CNIH3: variants seen among roughly 807,000 people sequenced by gnomAD.
CNIH3 encodes cornichon family AMPA receptor auxiliary protein 3.
A neutral mutation model predicts 24.1 loss-of-function variants in CNIH3; 14 were observed. The ratio of observed to expected loss-of-function variants is 0.58; its 90% CI spans 0.38 to 0.91. The LOEUF (loss-of-function observed/expected upper bound fraction) is 0.91. Ranked by LOEUF, CNIH3 falls within the 40% of genes least tolerant of loss-of-function variation. The pLI is 0.00. For missense variants in CNIH3, 178 were observed against 196.8 expected (o/e 0.90, Z 0.57); for synonymous variants, 68 against 73.8 (o/e 0.92, Z 0.40).
rs375016005 is a variant in CNIH3, at chr1:224,680,061, G to A, written c.82-897G>A. ...TGACTTCAGGTGATCCAACCGCCTC[G>A]GCCTCTGAAAGTGCTGGGATTACAG... On this transcript the variant is annotated intron_variant, in intron 1 of 5. Coordinates refer to ENST00000272133, the MANE Select transcript of CNIH3 (RefSeq NM_152495.2). Among the ~76,000 whole-genome samples, 71 of 152,172 alleles carry A rather than the reference G, an allele frequency of 4.7e-4. 1 individual carries two copies. In the South Asian group the frequency reaches 0.014, roughly 29 times the overall value.
chr1:224,728,773 A>G (rs961210118), intron 3 of CNIH3, among the ~76,000 whole-genome samples: 4 of 152,220 alleles, frequency 2.6e-5, no homozygotes, highest in African/African-American at 7.2e-5. Flanking sequence ...GTTTGTAACC[A>G]CAGGCTGCAT....
At chr1:224,734,050 A>T (rs977510519) in intron 4 of CNIH3, among the ~76,000 whole-genome samples, 1 of 152,214 alleles carries the variant, frequency 6.6e-6, no homozygotes, top group Non-Finnish European at 1.5e-5. Context: ...CTCCCGACAG[A>T]TGGCTGATGT....
chr1:224,453,333 C>T (rs1047214162), intron 1 of CNIH3, among the ~76,000 whole-genome samples: 2 of 151,762 alleles, frequency 1.3e-5, no homozygotes, highest in African/African-American at 4.8e-5. Context: ...ACATGAGCCA[C>T]CATGCCTGGC....
rs369980940 is a variant in CNIH3 at position 224,550,720 on chromosome 1, T to C, written n.450+3781T>C. Among the ~76,000 whole-genome samples the C allele has an allele frequency of 7.9e-5, 12 of 152,278 alleles. No homozygotes were observed. The East Asian group carries it at 2.1e-3, about 27-fold the overall frequency. Reference sequence around the variant, plus strand: ...GATATTTCTTTTCTTTTTTTTATTATACTTTAAGTTTTAGGGTACATGTGC... The same window carrying C: ...GATATTTCTTTTCTTTTTTTTATTACACTTTAAGTTTTAGGGTACATGTGC... On this transcript the variant is annotated intron_variant and non_coding_transcript_variant, in intron 3 of 5. Coordinates refer to the CNIH3 transcript ENST00000471578.
At chr1:224,474,235 A>C (rs1163471326) in intron 1 of CNIH3, among the ~76,000 whole-genome samples, 5 of 152,038 alleles carry the variant, frequency 3.3e-5, no homozygotes. Context: ...ATGGTGGTGC[A>C]TGCCTGTAGT....
intron 3 of CNIH3, among the ~76,000 whole-genome samples, chr1:224,689,501 C>A (rs2125156237): frequency 6.6e-6 from 1 of 152,284 alleles, no homozygotes; most frequent in African/African-American, 2.4e-5. Context: ...GGTGGGCCGG[C>A]CTGGGCCTCC....
At chr1:224,494,225 A>T (rs570831662) in intron 1 of CNIH3, among the ~76,000 whole-genome samples, 1 of 152,362 alleles carries the variant, frequency 6.6e-6, no homozygotes, top group South Asian at 2.1e-4. Context: ...TTGAAACATT[A>T]GATCTTGTAT....
At chr1:224,486,927 G>A (rs1677052776) in intron 1 of CNIH3, among the ~76,000 whole-genome samples, 1 of 152,160 alleles carries the variant, frequency 6.6e-6, no homozygotes, top group Admixed American at 6.5e-5. Context: ...TCCCCAGGTC[G>A]GCTGACTAAA....
At chr1:224,672,422 C>G (rs1685913224) in intron 1 of CNIH3, among the ~76,000 whole-genome samples, 1 of 152,134 alleles carries the variant, frequency 6.6e-6, no homozygotes, top group African/African-American at 2.4e-5. Flanking sequence ...AAATTACCAC[C>G]AGGTGGGTGG....
At chr1:224,648,828 A>G (rs1172588098) in intron 1 of CNIH3, among the ~76,000 whole-genome samples, 1 of 152,198 alleles carries the variant, frequency 6.6e-6, no homozygotes, top group Middle Eastern at 3.2e-3. Context: ...TGGTAGGACA[A>G]GAGCAAAAGG....
At chr1:224,513,416 C>T (rs1033240799), upstream of CNIH3, among the ~76,000 whole-genome samples, 8 of 150,880 alleles carry the variant, frequency 5.3e-5, no homozygotes, top group African/African-American at 9.7e-5. Context: ...CTGGACTCAA[C>T]TGATCCTCCT....
At chr1:224,512,491 A>G (rs1678196520), upstream of CNIH3, among the ~76,000 whole-genome samples, 1 of 152,240 alleles carries the variant, frequency 6.6e-6, no homozygotes, top group African/African-American at 2.4e-5. Context: ...AAAACAAAAA[A>G]GAAAAAATGG....
At chr1:224,439,011 T>C (rs1167865453) in intron 1 of CNIH3, among the ~76,000 whole-genome samples, 1 of 152,246 alleles carries the variant, frequency 6.6e-6, no homozygotes, top group East Asian at 1.9e-4. Flanking sequence ...GCTGTGACTC[T>C]GTAGTCACTT....
At chr1:224,591,865 T>C (rs900993030), downstream of CNIH3, among the ~76,000 whole-genome samples, 6 of 152,214 alleles carry the variant, frequency 3.9e-5, no homozygotes, top group Non-Finnish European at 7.3e-5. Flanking sequence ...ATAGGAATGA[T>C]AATACCCACG....
chr1:224,675,673 C>T (rs77501751), intron 1 of CNIH3, among the ~76,000 whole-genome samples: 6,310 of 152,254 alleles, frequency 0.041, 212 homozygotes, highest in East Asian at 0.15. Context: ...GATTTGGACA[C>T]ACATTTCATC....
intron 3 of CNIH3, among the ~76,000 whole-genome samples, chr1:224,548,463 G>T (rs1679788216): frequency 6.6e-6 from 1 of 150,588 alleles, no homozygotes; most frequent in African/African-American, 2.4e-5. Context: ...TAGGGGAGAT[G>T]TCACTCCTAA....
intron 3 of CNIH3, among the ~76,000 whole-genome samples, chr1:224,606,471 T>C (rs1007179796): frequency 6.6e-6 from 1 of 152,140 alleles, no homozygotes; most frequent in African/African-American, 2.4e-5. Flanking sequence ...GTCTCCAATG[T>C]CCAGCTGCAT....
chr1:224,507,266 G>C (rs115925976), intron 1 of CNIH3, among the ~76,000 whole-genome samples: 332 of 152,274 alleles, frequency 2.2e-3, no homozygotes, highest in African/African-American at 7.5e-3. Context: ...ACGAGGCCAG[G>C]TGTTGTTAAG....
intron 2 of CNIH3, among the ~76,000 whole-genome samples, chr1:224,524,890 T>C (rs940607065): frequency 1.3e-5 from 2 of 152,142 alleles, no homozygotes; most frequent in Non-Finnish European, 2.9e-5. Flanking sequence ...GCCCAAGCGA[T>C]GAGATCAGAT....
Sources: allele counts gnomAD v4.1 joint callset (sites outside exome capture counted in the v4.1 genomes callset), GRCh38; gene constraint gnomAD v4.1.1; transcripts MANE v1.5; gene names NCBI Gene and HGNC (gene_info 2026-07-23, HGNC 2026-07-21).